Variants in PCNX1 observed in about 807,000 individuals in gnomAD.
PCNX1 encodes pecanex-like protein 1.
Under a neutral mutation model 242.2 loss-of-function variants are expected in PCNX1, and 78 were observed. The observed-to-expected ratio is 0.32, with a 90% CI of 0.27 to 0.39. The LOEUF (loss-of-function observed/expected upper bound fraction) is 0.39. Among genes scored for constraint, PCNX1 ranks in the 10% least tolerant of loss-of-function variants. The pLI, the probability that PCNX1 is intolerant of heterozygous loss-of-function variation, is 1.00. For synonymous variants in PCNX1, 1,024 were observed against 1,032.9 expected, an observed-to-expected ratio of 0.99 and a Z score of 0.17; for missense variants, 2,581 against 2,856.5, an observed-to-expected ratio of 0.90 and a Z score of 2.20.
intron 19 of PCNX1, 91 bp from the exon 20 acceptor site, chr14:71,045,042 T>C (rs2060820205): frequency 2.4e-6 from 2 of 848,472 alleles, no homozygotes; most frequent in Middle Eastern, 4.7e-4. Context: ...CGTTGTCCAT[T>C]ATCAGATGGA....
At chr14:71,064,308 ATATAT>A (rs749565690) in intron 26 of PCNX1, among the ~76,000 whole-genome samples, 27 of 152,162 alleles carry the variant, frequency 1.8e-4, no homozygotes, top group Non-Finnish European at 3.5e-4. Context: ...TCTGAGCAAA[ATATAT>A]TAGTAGGGCA....
At chr14:70,979,443 T>A (rs2058773467) in intron 6 of PCNX1, among the ~76,000 whole-genome samples, 1 of 150,862 alleles carries the variant, frequency 6.6e-6, no homozygotes, top group Non-Finnish European at 1.5e-5. Flanking sequence ...TATTTCTTGC[T>A]GTGTTCTTCT....
At chr14:71,101,562 T>C (rs1038554578) in intron 30 of PCNX1, among the ~76,000 whole-genome samples, 1 of 152,118 alleles carries the variant, frequency 6.6e-6, no homozygotes, top group African/African-American at 2.4e-5. Flanking sequence ...AGAACCCATT[T>C]TAGAGATACG....
chr14:70,919,520 T>C (rs184184233), intron 1 of PCNX1, among the ~76,000 whole-genome samples: 1 of 152,054 alleles, frequency 6.6e-6, no homozygotes, highest in East Asian at 1.9e-4. Flanking sequence ...CACCTGAGAG[T>C]AATAACACTA....
At chr14:70,981,883 G>A (rs987800252) in intron 6 of PCNX1, among the ~76,000 whole-genome samples, 9 of 152,114 alleles carry the variant, frequency 5.9e-5, no homozygotes, top group Non-Finnish European at 1.0e-4. Context: ...AGAATAGCCC[G>A]AGTGGAGAGG....
chr14:71,007,207 T>G (rs1041652927), intron 8 of PCNX1, among the ~76,000 whole-genome samples: 16 of 152,066 alleles, frequency 1.1e-4, no homozygotes, highest in Non-Finnish European at 2.1e-4. Context: ...TTTTTTGCAT[T>G]CTTTATGTTT....
chr14:71,099,351 G>A (rs113780177), intron 30 of PCNX1, among the ~76,000 whole-genome samples: 11,113 of 152,008 alleles, frequency 0.073, 542 homozygotes, highest in Middle Eastern at 0.17. Flanking sequence ...GTAGAGACGG[G>A]GTTTCACCGT....
intron 8 of PCNX1, among the ~76,000 whole-genome samples, chr14:71,001,617 G>A (rs1273886642): frequency 6.6e-6 from 1 of 152,174 alleles, no homozygotes; most frequent in South Asian, 2.1e-4. Flanking sequence ...CTAGTATGTT[G>A]TAAAGAATTC....
At chr14:70,997,600 C>T (rs1295625607) in intron 8 of PCNX1, among the ~76,000 whole-genome samples, 5 of 152,102 alleles carry the variant, frequency 3.3e-5, no homozygotes. Flanking sequence ...AGGATATTCT[C>T]TTGTAATTTG....
intron 6 of PCNX1, among the ~76,000 whole-genome samples, chr14:70,984,890 G>C (rs2058952201): frequency 1.3e-5 from 2 of 152,038 alleles, no homozygotes; most frequent in Non-Finnish European, 2.9e-5. Context: ...GTCTATAATT[G>C]TAATACTACC....
At chr14:71,013,852 T>C (rs962178090) in intron 11 of PCNX1, among the ~76,000 whole-genome samples, 1 of 152,216 alleles carries the variant, frequency 6.6e-6, no homozygotes, top group African/African-American at 2.4e-5. Context: ...TCCAGCCAAC[T>C]TCCTGAGTTA....
At chr14:71,092,750 G>A (rs1175318796) in intron 30 of PCNX1, 3 of 152,156 alleles carry the variant, frequency 2.0e-5, no homozygotes, top group Non-Finnish European at 4.4e-5. Flanking sequence ...AGGGGTTTAT[G>A]ATCGGGACTG....
chr14:70,973,999 C>T (rs537224222), intron 5 of PCNX1, among the ~76,000 whole-genome samples: 1 of 152,024 alleles, frequency 6.6e-6, no homozygotes, highest in Admixed American at 6.5e-5. Context: ...CCCTGACAAC[C>T]TCTAGTTTAC....
chr14:70,925,973 G>C (rs1271314582), intron 1 of PCNX1, among the ~76,000 whole-genome samples: 1 of 151,820 alleles, frequency 6.6e-6, no homozygotes, highest in Non-Finnish European at 1.5e-5. Flanking sequence ...TGATTGATTT[G>C]ACATGAACTG....
chr14:71,006,469 G>A (rs2059670654), intron 8 of PCNX1, among the ~76,000 whole-genome samples: 1 of 152,008 alleles, frequency 6.6e-6, no homozygotes, highest in African/African-American at 2.4e-5. Flanking sequence ...GAATCATGAT[G>A]AGATGGCTTA....
intron 26 of PCNX1, among the ~76,000 whole-genome samples, chr14:71,067,245 A>T (rs2061470516): frequency 3.3e-5 from 5 of 149,670 alleles, no homozygotes; most frequent in Admixed American, 2.7e-4. Context: ...CCAGTCCTGG[A>T]CTCTCTTTGG....
Position 71,101,983 on chromosome 14 carries a change from T to TAA in PCNX1, c.5590-6_5590-5insAA. On this transcript the variant is annotated splice_region_variant and splice_polypyrimidine_tract_variant and intron_variant, in intron 30 of 35. Transcript: ENST00000304743. ...TTTAAAAATTTATATATTATTTTTG[T>TAA]ATTTAGGATCATTTTACTTCTCCAG... 6.9e-7 allele frequency: 1 copy of TAA among 1,452,378 alleles called. No homozygotes were observed. Among genetic ancestry groups the TAA allele is most frequent in the Non-Finnish European group, 9.4e-7 (1 of 1,064,686 alleles). 90.0% of individuals were successfully genotyped at this position (1,452,378 alleles called of 1,614,324 possible). A position where few individuals can be genotyped will look rare whatever the true frequency, so the allele number is the denominator to read the frequency against.
At chr14:71,098,989 T>G (rs2062385612) in intron 30 of PCNX1, among the ~76,000 whole-genome samples, 1 of 152,164 alleles carries the variant, frequency 6.6e-6, no homozygotes, top group South Asian at 2.1e-4. Flanking sequence ...TGTTTTCATT[T>G]ATTTCAAATA....
At chr14:70,927,795 C>T (rs2056648202) in intron 1 of PCNX1, among the ~76,000 whole-genome samples, 1 of 151,948 alleles carries the variant, frequency 6.6e-6, no homozygotes, top group African/African-American at 2.4e-5. Flanking sequence ...ACCATGTTGG[C>T]CAGACTGGTC....
Sources: allele counts gnomAD v4.1 joint callset (sites outside exome capture counted in the v4.1 genomes callset), GRCh38; gene constraint gnomAD v4.1.1; transcripts MANE v1.5; gene names NCBI Gene and HGNC (gene_info 2026-07-23, HGNC 2026-07-21).